CREBBP: variants seen among roughly 807,000 people sequenced by gnomAD.
CREBBP encodes the protein CREB binding lysine acetyltransferase, also known as CREB-binding protein.
Under a neutral mutation model 265.0 loss-of-function variants are expected in CREBBP, and 19 were observed. The observed-to-expected ratio is 0.07, with a 90% confidence interval of 0.05 to 0.11. The LOEUF is 0.11. CREBBP is among the 10% of genes least tolerant of loss of function. The pLI, the probability that CREBBP is intolerant of heterozygous loss-of-function variation, is 1.00. For missense variants in CREBBP, 2,525 were observed against 3,219.0 expected (o/e 0.78, Z 5.22); for synonymous variants, 1,457 against 1,223.7 (o/e 1.19, Z -3.98).
intron 1 of CREBBP, among the ~76,000 whole-genome samples, chr16:3,856,097 GA>G (rs938246857): frequency 3.3e-5 from 5 of 152,060 alleles, no homozygotes; most frequent in African/African-American, 1.2e-4. Flanking sequence ...AAGGAAAAAA[GA>G]AAATATGTAC....
At chr16:3,766,206 C>T (rs2052848270) in intron 16 of CREBBP, among the ~76,000 whole-genome samples, 1 of 152,084 alleles carries the variant, frequency 6.6e-6, no homozygotes, top group African/African-American at 2.4e-5. Context: ...ATGAAAAATC[C>T]AGTGCTATAG....
intron 1 of CREBBP, among the ~76,000 whole-genome samples, chr16:3,871,409 G>C (rs907875587): frequency 1.3e-5 from 2 of 152,216 alleles, no homozygotes; most frequent in Non-Finnish European, 2.9e-5. Context: ...CTCACAGTTA[G>C]AAGGTTCTAC....
chr16:3,749,744 A>C (rs2151368825), intron 20 of CREBBP, 61 bp from the exon 21 acceptor site: 1 of 1,096,234 alleles, frequency 9.1e-7, no homozygotes, highest in Non-Finnish European at 1.4e-6. Flanking sequence ...AGTATAAACT[A>C]TAGGGTCTCT....
At chr16:3,869,515 C>T (rs2055248328) in intron 1 of CREBBP, among the ~76,000 whole-genome samples, 1 of 152,126 alleles carries the variant, frequency 6.6e-6, no homozygotes, top group Admixed American at 6.5e-5. Context: ...AAACTCTAGA[C>T]AAAGAGGATA....
In CREBBP at chr16:3,850,620, C is replaced by T. The variant is rs1175854793; in HGVS notation, c.475G>A (p.Val159Met). 2 of 1,614,238 alleles carry T rather than the reference C, an allele frequency of 1.2e-6. No individual in the cohort carries two copies. The highest frequency in any genetic ancestry group is 1.7e-6 in the Non-Finnish European group (2 of 1,180,038). Reference sequence around the variant, plus strand: ...GCAGGGCTGCTAGTCGCCAGCCCCACTTGCTTTTGTGCTTGCGGATTCAGT... The same window carrying T: ...GCAGGGCTGCTAGTCGCCAGCCCCATTTGCTTTTGTGCTTGCGGATTCAGT... The part of the protein sequence containing the change: ...QALNPQAQKQ[V>M]GLATSSPATS... The change falls in exon 2 of 31, where the codon GTG (valine) becomes ATG (methionine). Residue 159 changes from valine to methionine, a missense_variant. Val to Met is a conservative substitution (Grantham distance 21). Around this residue, in one of 19 missense-constraint regions of CREBBP, gnomAD observed 356 missense variants for 340.4 expected, o/e 1.05. Transcript: ENST00000262367.
intron 5 of CREBBP, among the ~76,000 whole-genome samples, chr16:3,791,477 A>T (rs1444871718): frequency 6.6e-6 from 1 of 152,186 alleles, no homozygotes; most frequent in East Asian, 1.9e-4. Context: ...ACGTAGAGGG[A>T]AACCTTCATA....
chr16:3,793,269 C>T, intron 4 of CREBBP, 117 bp downstream of exon 4: 3 of 1,388,936 alleles, frequency 2.2e-6, no homozygotes, highest in Non-Finnish European at 3.0e-6. Flanking sequence ...TTGCCACACC[C>T]AATGGAAGGC....
At chr16:3,838,252 G>A (rs8050027) in intron 2 of CREBBP, among the ~76,000 whole-genome samples, 1 of 152,182 alleles carries the variant, frequency 6.6e-6, no homozygotes, top group East Asian at 1.9e-4. Flanking sequence ...GCCCAAGTAT[G>A]CATTACAGTA....
rs190128924 is a variant in CREBBP at position 3,745,481 on chromosome 16, G to A, written c.3837-127C>T. 6.6e-4 allele frequency: 512 copies of A among 777,234 alleles called. No individual in the cohort carries two copies. The African/African-American group carries it at 7.3e-3, about 11-fold the overall frequency. The allele number at this position is 777,234 out of a possible 1,614,324, so 48.1% of individuals were successfully genotyped here. On this transcript the variant is annotated intron_variant, in intron 21 of 30. Transcript: ENST00000262367. ...CTTTGAGTAGTGCTGACATTAATGC[G>A]TGTGTTGGCTGATTCAGCTATATTT...
chr16:3,730,003 A>G lies in CREBBP; in HGVS notation c.5173-129T>C. Reference sequence around the variant, plus strand: ...GACCCAGGCAGGATAGGAGACCCAGACAGGATGCGAGCACGGACAGGTGGG... The same window carrying G: ...GACCCAGGCAGGATAGGAGACCCAGGCAGGATGCGAGCACGGACAGGTGGG... On this transcript the variant is annotated intron_variant, in intron 30 of 30. Coordinates refer to ENST00000262367, the MANE Select transcript of CREBBP (RefSeq NM_004380.3). The G allele has an allele frequency of 2.0e-5, 29 of 1,471,906 alleles. No individual in the cohort carries two copies. In the South Asian group the frequency reaches 2.2e-4, roughly 11 times the overall value. The allele number at this position is 1,471,906 out of a possible 1,614,324, so 91.2% of individuals were successfully genotyped here.
intron 2 of CREBBP, among the ~76,000 whole-genome samples, chr16:3,846,030 T>C (rs1041167539): frequency 6.6e-6 from 1 of 152,182 alleles, no homozygotes; most frequent in East Asian, 1.9e-4. Context: ...AATGTGTTTC[T>C]ATACAAACTG....
At position 3,793,010 on chromosome 16, in the gene CREBBP, A is replaced by G. The variant is rs546706245; in HGVS notation, c.1216+376T>C. ...GGATGCAGGAAGGGCGTGTGCCTGCACGTGCCTGTGCTATGTTCATTGCCC... is the reference window on the plus strand; with the variant it reads ...GGATGCAGGAAGGGCGTGTGCCTGCGCGTGCCTGTGCTATGTTCATTGCCC... On this transcript the variant is annotated intron_variant, in intron 4 of 30. Coordinates refer to ENST00000262367, the MANE Select transcript of CREBBP (RefSeq NM_004380.3). Among the ~76,000 whole-genome samples the G allele has an allele frequency of 3.9e-5, 6 of 152,344 alleles. No homozygotes were observed. The South Asian group carries it at 1.0e-3, about 26-fold the overall frequency.
In CREBBP at chr16:3,729,078, G is replaced by C. The variant is rs1555471216; in HGVS notation, c.5969C>G (p.Thr1990Ser). Residue 1990 changes from threonine (T) to serine (S), a missense_variant, in exon 31 of 31, where the codon ACC becomes AGC. Physicochemically the swap from Thr to Ser is moderately conservative, Grantham distance 58 (BLOSUM62 1). Coordinates refer to ENST00000262367, the MANE Select transcript of CREBBP (RefSeq NM_004380.3). ...CACGGGGGCCATCTGGCTCCCCGGG[G>C]TCCCCATGCCCGTGCGTCCTGGGGG... ...SMPPGRTGMG[T>S]PGSQMAPVSL... The C allele has an allele frequency of 6.3e-7, 1 of 1,584,860 alleles. No individual in the cohort carries two copies. Among genetic ancestry groups the C allele is most frequent in the Non-Finnish European group, 8.5e-7 (1 of 1,171,192 alleles).
chr16:3,842,506 T>C (rs932212185), intron 2 of CREBBP, among the ~76,000 whole-genome samples: 25 of 152,292 alleles, frequency 1.6e-4, no homozygotes, highest in African/African-American at 5.5e-4. Flanking sequence ...TTTGCTACTG[T>C]TGAAATAAAG....
chr16:3,802,540 AT>A (rs2053738374), intron 3 of CREBBP, among the ~76,000 whole-genome samples: 1 of 152,148 alleles, frequency 6.6e-6, no homozygotes, highest in Non-Finnish European at 1.5e-5. Context: ...TAGTGCCTGT[AT>A]TCTATGCTAA....
chr16:3,879,800 C>T lies in CREBBP; in HGVS notation c.85+32G>A, dbSNP rs201905969. 755 of 1,553,612 alleles carry T rather than the reference C, an allele frequency of 4.9e-4. 1 individual carries two copies. The African/African-American group carries it at 9.4e-3, about 19-fold the overall frequency. On this transcript the variant is annotated intron_variant, in intron 1 of 30. Coordinates refer to ENST00000262367, the MANE Select transcript of CREBBP (RefSeq NM_004380.3). ...TTCAGGTGGGGGTGACAGCGCGCCC[C>T]GGGCCCCCGCCGCCCCGGACCCCCT...
rs1596785327 is a variant in CREBBP at position 3,729,035 on chromosome 16, T to C, written c.6012A>G (p.Arg2004=). 4 of 1,589,170 alleles carry C rather than the reference T, an allele frequency of 2.5e-6. No individual in the cohort carries two copies. In the East Asian group the frequency reaches 9.1e-5, roughly 36 times the overall value. The change falls in exon 31 of 31, where the codon CGA becomes CGG. Residue 2004 remains arginine, a synonymous_variant. Transcript: ENST00000262367. ...QMAPVSLNVP[R]PNQVSGPVMP... ...TGACGGGCCCGCTCACCTGGTTGGG[T>C]CGGGGCACATTCAGGCTCACGGGGG...
At chr16:3,863,061 T>C (rs957737966) in intron 1 of CREBBP, among the ~76,000 whole-genome samples, 1 of 152,124 alleles carries the variant, frequency 6.6e-6, no homozygotes, top group African/African-American at 2.4e-5. Flanking sequence ...CTAACTGCAA[T>C]AAAAATTACA....
chr16:3,812,492 A>G (rs183742541), intron 2 of CREBBP, among the ~76,000 whole-genome samples: 71 of 151,710 alleles, frequency 4.7e-4, no homozygotes, highest in Admixed American at 4.6e-3. Context: ...AATTTTCCAT[A>G]ATAAAGTTTT....
Sources: allele counts gnomAD v4.1 joint callset (sites outside exome capture counted in the v4.1 genomes callset), GRCh38; gene constraint gnomAD v4.1.1; regional missense constraint gnomAD v4.1.1; transcripts MANE v1.5; gene names NCBI Gene and HGNC (gene_info 2026-07-23, HGNC 2026-07-21).